CAMTA1: variants seen among roughly 807,000 people sequenced by gnomAD.
CAMTA1 encodes the protein calmodulin binding transcription activator 1.
A neutral mutation model predicts 170.9 loss-of-function variants in CAMTA1; 27 were observed. That is an observed-to-expected ratio of 0.16 (90% CI 0.12 to 0.22). CAMTA1 has a LOEUF of 0.22. CAMTA1 is among the 10% of genes least tolerant of loss of function. The probability of loss-of-function intolerance (pLI) is 1.00; values close to 1 mark genes in which losing one functional copy is unlikely to be tolerated. For missense variants in CAMTA1, 1,619 were observed against 2,217.2 expected (o/e 0.73, Z 5.42); for synonymous variants, 833 against 891.5 (o/e 0.93, Z 1.17).
intron 3 of CAMTA1, among the ~76,000 whole-genome samples, chr1:6,916,048 C>T (rs752532468): frequency 1.2e-4 from 19 of 152,110 alleles, no homozygotes; most frequent in Non-Finnish European, 2.1e-4. Flanking sequence ...GAGTGCTGTT[C>T]GCGGTCTGTT....
chr1:6,857,055 A>C (rs542642453), intron 3 of CAMTA1, among the ~76,000 whole-genome samples: 44 of 152,220 alleles, frequency 2.9e-4, no homozygotes, highest in African/African-American at 1.1e-3. Context: ...CTGAAATAGG[A>C]GATTCTTGGA....
Position 7,007,475 on chromosome 1 carries a change from C to A in CAMTA1, c.235-83829C>A, listed in dbSNP as rs1699171183. 6.6e-6 allele frequency among the ~76,000 whole-genome samples: 1 copy of A among 152,170 alleles called. No homozygotes were observed. Among genetic ancestry groups the A allele is most frequent in the Non-Finnish European group, 1.5e-5 (1 of 68,022 alleles). On this transcript the variant is annotated intron_variant, in intron 3 of 22. Coordinates refer to ENST00000303635, the MANE Select transcript of CAMTA1 (RefSeq NM_015215.4). This position sits in a 1 kb window ranked among gnomAD's most constrained non-coding sequence, Gnocchi z 4.5. ...AGGTCCTTCCCTCGCCTCGAGAACC[C>A]CAAGCGAATTCCCACTTCCCACAGG...
At chr1:6,787,048 C>T (rs77355597) in intron 1 of CAMTA1, among the ~76,000 whole-genome samples, 156 of 152,380 alleles carry the variant, frequency 1.0e-3, no homozygotes, top group Middle Eastern at 3.4e-3. Flanking sequence ...CCGTCCCACA[C>T]TCAAGAGTCC....
At chr1:7,464,164 A>G (rs1469575883) in intron 5 of CAMTA1, among the ~76,000 whole-genome samples, 1 of 152,198 alleles carries the variant, frequency 6.6e-6, no homozygotes, top group Non-Finnish European at 1.5e-5. Context: ...ATAAATACCT[A>G]GTTGCTTCCT....
rs1186070832 is a variant in CAMTA1, at chr1:7,063,038, G to A, written c.235-28266G>A. Among the ~76,000 whole-genome samples the A allele has an allele frequency of 1.3e-5, 2 of 152,158 alleles. No homozygotes were observed. The highest frequency in any genetic ancestry group is 2.9e-5 in the Non-Finnish European group (2 of 68,022). ...ATAAGGGCACATGCGTGGGTACAGG[G>A]GTTAGGACTTCAACATATCTTTTTG... On this transcript the variant is annotated intron_variant, in intron 3 of 22. Transcript: ENST00000303635. The surrounding 1 kb of genome is among the most constrained non-coding windows in gnomAD (Gnocchi z 4.3).
At chr1:7,362,408 G>T (rs1206128984) in intron 5 of CAMTA1, among the ~76,000 whole-genome samples, 1 of 152,036 alleles carries the variant, frequency 6.6e-6, no homozygotes, top group Non-Finnish European at 1.5e-5. Context: ...AGTAGACTTG[G>T]GTAGAGTTAG....
chr1:6,791,639 T>G lies in CAMTA1; in HGVS notation c.45+6064T>G, dbSNP rs1022762164. Among the ~76,000 whole-genome samples, 52 of 152,372 alleles carry G rather than the reference T, an allele frequency of 3.4e-4. 1 individual carries two copies. The highest frequency in any genetic ancestry group is 1.3e-3 in the African/African-American group (52 of 41,582). ...TTTGCCTGTTATATATAGTACTGCC[T>G]TTAGTTTTTGGTGTGTTTGAGAGTG... On this transcript the variant is annotated intron_variant, in intron 1 of 22. Transcript: ENST00000303635.
At chr1:6,812,366 G>T (rs1292187999) in intron 1 of CAMTA1, among the ~76,000 whole-genome samples, 1 of 152,064 alleles carries the variant, frequency 6.6e-6, no homozygotes, top group Non-Finnish European at 1.5e-5. Flanking sequence ...TACCTTTTAG[G>T]ATCGAAATAA....
intron 3 of CAMTA1, among the ~76,000 whole-genome samples, chr1:7,035,301 G>A (rs1703424058): frequency 6.6e-6 from 1 of 152,124 alleles, no homozygotes; most frequent in Admixed American, 6.5e-5. Context: ...TTGGGAGGCT[G>A]AGGCAGGAGA....
intron 10 of CAMTA1, among the ~76,000 whole-genome samples, chr1:7,671,247 G>A (rs1016110649): frequency 6.6e-6 from 1 of 152,176 alleles, no homozygotes; most frequent in Non-Finnish European, 1.5e-5. Flanking sequence ...ACACAGGCAC[G>A]CTTGACTGGG....
chr1:7,276,293 A>ATTTTTT lies in CAMTA1; in HGVS notation c.438+26668_438+26669insTTTTTT, dbSNP rs1372402055. ...TACACCTGATCATATATATATATAT[A>ATTTTTT]TATATATATATTTTTTTTTTTTTTT... On this transcript the variant is annotated intron_variant, in intron 5 of 22. Transcript: ENST00000303635. Among the ~76,000 whole-genome samples the ATTTTTT allele has an allele frequency of 6.1e-3, 134 of 22,022 alleles. 2 individuals carry two copies. The highest frequency in any genetic ancestry group is 0.012 in the South Asian group (5 of 426). 14.4% of individuals were successfully genotyped at this position (22,022 alleles called of 152,430 possible). A position where few individuals can be genotyped will look rare whatever the true frequency, so the allele number is the denominator to read the frequency against.
At chr1:6,883,421 G>A (rs1672188327) in intron 3 of CAMTA1, among the ~76,000 whole-genome samples, 3 of 152,168 alleles carry the variant, frequency 2.0e-5, no homozygotes, top group African/African-American at 7.2e-5. Flanking sequence ...TTCTGCTTTC[G>A]GCAGCCTAAG....
At chr1:6,896,640 G>C (rs1675726303) in intron 3 of CAMTA1, among the ~76,000 whole-genome samples, 1 of 152,164 alleles carries the variant, frequency 6.6e-6, no homozygotes, top group South Asian at 2.1e-4. Flanking sequence ...TACCTAGGCA[G>C]TTGTGATTCC....
chr1:7,054,900 A>G (rs1427640061), intron 3 of CAMTA1, among the ~76,000 whole-genome samples: 1 of 152,208 alleles, frequency 6.6e-6, no homozygotes, highest in African/African-American at 2.4e-5. Context: ...GCATCTGCTC[A>G]GCTTCTGGGG....
At chr1:7,545,618 G>A (rs1399765553) in intron 6 of CAMTA1, among the ~76,000 whole-genome samples, 2 of 152,146 alleles carry the variant, frequency 1.3e-5, no homozygotes, top group African/African-American at 4.8e-5. Flanking sequence ...TTGAGCAAGA[G>A]CCTCACATAA....
At chr1:7,004,305 C>T (rs951007889) in intron 3 of CAMTA1, among the ~76,000 whole-genome samples, 8 of 152,060 alleles carry the variant, frequency 5.3e-5, no homozygotes, top group African/African-American at 1.9e-4. Context: ...TGCATTTAGA[C>T]TTTTGCATGA....
chr1:7,496,760 C>T (rs1345993759), intron 6 of CAMTA1, among the ~76,000 whole-genome samples: 2 of 152,058 alleles, frequency 1.3e-5, no homozygotes, highest in Non-Finnish European at 2.9e-5. Context: ...CTCTGCCTCC[C>T]AGTAGGCAGG....
intron 3 of CAMTA1, among the ~76,000 whole-genome samples, chr1:7,038,231 T>G (rs1468525687): frequency 6.6e-6 from 1 of 152,194 alleles, no homozygotes; most frequent in African/African-American, 2.4e-5. Flanking sequence ...AAATTTTTCC[T>G]ATAAAAATGT....
Position 7,611,397 on chromosome 1 carries a change from C to T in CAMTA1, c.511-29003C>T, listed in dbSNP as rs548105509. Among the ~76,000 whole-genome samples, 5 of 152,338 alleles carry T rather than the reference C, an allele frequency of 3.3e-5. No individual in the cohort carries two copies. The East Asian group carries it at 9.6e-4, about 29-fold the overall frequency. The stretch of plus-strand genomic sequence containing the variant: ...TGCCTCCCTTGCCTTCCCTGCACAG[C>T]CTAGGCCTCTGGCCAAAGGGCTTGG... On this transcript the variant is annotated intron_variant, in intron 6 of 22. Coordinates refer to ENST00000303635, the MANE Select transcript of CAMTA1 (RefSeq NM_015215.4).
Sources: gnomAD v4.1 joint callset for allele counts (sites outside exome capture counted in the v4.1 genomes callset) on GRCh38, gnomAD v4.1.1 for gene constraint, Gnocchi (gnomAD v3.1) non-coding constraint, MANE v1.5 for transcripts, NCBI Gene and HGNC (gene_info 2026-07-23, HGNC 2026-07-21) for gene names.